WDR70: variants seen among roughly 807,000 people sequenced by gnomAD.
WDR70 encodes the protein WD repeat domain 70.
A neutral mutation model predicts 88.6 loss-of-function variants in WDR70; 53 were observed. That is an observed-to-expected ratio of 0.60 (90% CI 0.48 to 0.75). The LOEUF (loss-of-function observed/expected upper bound fraction) is 0.75. Among genes scored for constraint, WDR70 ranks in the 30% least tolerant of loss-of-function variants. The pLI is 0.00. For missense variants in WDR70, 610 were observed against 823.2 expected, an observed-to-expected ratio of 0.74 and a Z score of 3.17; for synonymous variants, 280 against 270.0, an observed-to-expected ratio of 1.04 and a Z score of -0.36.
intron 9 of WDR70, among the ~76,000 whole-genome samples, chr5:37,533,366 C>G (rs1031720918): frequency 1.3e-5 from 2 of 152,176 alleles, no homozygotes; most frequent in Non-Finnish European, 2.9e-5. Context: ...CCGAGATGGG[C>G]GTATCACTTG....
chr5:37,578,054 AGAT>A (rs1260875773), intron 9 of WDR70, among the ~76,000 whole-genome samples: 1 of 60,778 alleles, frequency 1.6e-5, no homozygotes, highest in Non-Finnish European at 3.2e-5. Context: ...TTCAAGGAAT[AGAT>A]GGTGAAGGAT....
At chr5:37,649,349 C>A (rs141994387) in intron 10 of WDR70, among the ~76,000 whole-genome samples, 129 of 151,458 alleles carry the variant, frequency 8.5e-4, no homozygotes, top group African/African-American at 3.0e-3. Context: ...TATCATTGTG[C>A]CTGTTTTTAT....
At position 37,457,254 on chromosome 5, in the gene WDR70, C is replaced by T. The variant is rs567969653; in HGVS notation, c.686+13882C>T. Among the ~76,000 whole-genome samples, 6 of 152,270 alleles carry T rather than the reference C, an allele frequency of 3.9e-5. No homozygotes were observed. The East Asian group carries it at 9.6e-4, about 24-fold the overall frequency. On this transcript the variant is annotated intron_variant, in intron 7 of 17. Coordinates refer to ENST00000265107, the MANE Select transcript of WDR70 (RefSeq NM_018034.4). The stretch of plus-strand genomic sequence containing the variant: ...GGGAATTCAGGCATGCACCACCATG[C>T]CTGGCTAATATTTGGATTTTTAGTA...
chr5:37,550,710 T>C (rs1742116418), intron 9 of WDR70, among the ~76,000 whole-genome samples: 1 of 152,212 alleles, frequency 6.6e-6, no homozygotes, highest in African/African-American at 2.4e-5. Flanking sequence ...TGTCTTTTGA[T>C]TGGAGAGTGT....
intron 3 of WDR70, 130 bp downstream of exon 3, chr5:37,381,815 A>T: frequency 1.2e-6 from 1 of 831,712 alleles, no homozygotes; most frequent in Admixed American, 2.6e-5. Context: ...GCACTTAGGG[A>T]GGCCAAGGCG....
chr5:37,672,224 C>A (rs1746046036), intron 10 of WDR70, among the ~76,000 whole-genome samples: 1 of 152,188 alleles, frequency 6.6e-6, no homozygotes, highest in Non-Finnish European at 1.5e-5. Flanking sequence ...AGCCTGGGTA[C>A]TGTCCAAGGT....
chr5:37,723,138 G>T, intron 15 of WDR70: 1 of 594,654 alleles, frequency 1.7e-6, no homozygotes, highest in African/African-American at 1.9e-5. Context: ...GTTATTTCAT[G>T]CAGCTTTCAA....
chr5:37,453,219 G>GAC (rs1370162839), intron 7 of WDR70, among the ~76,000 whole-genome samples: 2 of 152,154 alleles, frequency 1.3e-5, no homozygotes, highest in Non-Finnish European at 2.9e-5. Flanking sequence ...AGAAATTAAA[G>GAC]ACACACACAC....
At position 37,479,723 on chromosome 5, in the gene WDR70, T is replaced by C; in HGVS notation, c.687-111T>C. ...GGTTGATGTTCCTGATTTTGTGGAATTATCAATTTGTCCATTTGTGTAACA... is the reference window on the plus strand; with the variant it reads ...GGTTGATGTTCCTGATTTTGTGGAACTATCAATTTGTCCATTTGTGTAACA... On this transcript the variant is annotated intron_variant, in intron 7 of 17. Transcript: ENST00000265107. The C allele has an allele frequency of 3.2e-6, 4 of 1,269,120 alleles. No individual in the cohort carries two copies. The Admixed American group carries it at 9.0e-5, about 29-fold the overall frequency. 78.6% of individuals were successfully genotyped at this position (1,269,120 alleles called of 1,614,324 possible). A position where few individuals can be genotyped will look rare whatever the true frequency, so the allele number is the denominator to read the frequency against.
At chr5:37,750,815 C>T (rs1004034220) in intron 17 of WDR70, among the ~76,000 whole-genome samples, 7 of 152,136 alleles carry the variant, frequency 4.6e-5, no homozygotes, top group African/African-American at 1.7e-4. Context: ...TCCATTAGAC[C>T]TCTTTTATAA....
At chr5:37,414,408 C>T (rs1294480485) in intron 5 of WDR70, among the ~76,000 whole-genome samples, 2 of 152,166 alleles carry the variant, frequency 1.3e-5, no homozygotes, top group Non-Finnish European at 2.9e-5. Context: ...CAGAACTTCA[C>T]ATGGCTCCCT....
intron 7 of WDR70, among the ~76,000 whole-genome samples, chr5:37,454,568 T>C (rs1738776608): frequency 6.6e-6 from 1 of 152,126 alleles, no homozygotes; most frequent in Non-Finnish European, 1.5e-5. Context: ...GATTCTGAAA[T>C]TTAAAAATTT....
At chr5:37,697,860 T>C (rs1037204394) in intron 11 of WDR70, 106 bp downstream of exon 11, 2 of 834,256 alleles carry the variant, frequency 2.4e-6, no homozygotes, top group Admixed American at 2.5e-5. Flanking sequence ...CTTTGATTTT[T>C]GTTAATGCAC....
At chr5:37,440,808 A>G (rs934945387) in intron 6 of WDR70, among the ~76,000 whole-genome samples, 4 of 152,242 alleles carry the variant, frequency 2.6e-5, no homozygotes, top group African/African-American at 9.6e-5. Context: ...CTTTCTTCTT[A>G]GGAGAACAGT....
chr5:37,493,663 G>T lies in WDR70; in HGVS notation c.840+13676G>T, dbSNP rs75120483. Among the ~76,000 whole-genome samples, 945 of 152,198 alleles carry T rather than the reference G, an allele frequency of 6.2e-3. 9 individuals are homozygous for T. Among genetic ancestry groups the T allele is most frequent in the Non-Finnish European group, 8.4e-3 (568 of 68,010 alleles). On this transcript the variant is annotated intron_variant, in intron 8 of 17. Transcript: ENST00000265107. ...GCAGCTGTTAGGTAATAAATCGGGG[G>T]TGTACTAAGTCCCTAGGTTTTTGGT...
At chr5:37,562,950 A>G (rs1159672128) in intron 9 of WDR70, among the ~76,000 whole-genome samples, 6 of 150,108 alleles carry the variant, frequency 4.0e-5, no homozygotes, top group African/African-American at 1.2e-4. Flanking sequence ...CCCGTTCTCA[A>G]TGAGCTGTTG....
At chr5:37,572,244 T>A (rs1742926183) in intron 9 of WDR70, among the ~76,000 whole-genome samples, 1 of 152,102 alleles carries the variant, frequency 6.6e-6, no homozygotes, top group Non-Finnish European at 1.5e-5. Flanking sequence ...TGTGTAAGCC[T>A]GTGTCGTGCA....
At chr5:37,542,265 TTTCTTC>T (rs936266699) in intron 9 of WDR70, among the ~76,000 whole-genome samples, 1 of 150,498 alleles carries the variant, frequency 6.6e-6, no homozygotes, top group Non-Finnish European at 1.5e-5. Flanking sequence ...GCTTTAGTTT[TTTCTTC>T]TTCTTCTTCT....
chr5:37,402,600 T>C (rs1207836344), intron 5 of WDR70, among the ~76,000 whole-genome samples: 1 of 152,100 alleles, frequency 6.6e-6, no homozygotes, highest in Non-Finnish European at 1.5e-5. Flanking sequence ...AATTGGGATA[T>C]CCAGGATATC....
Sources: allele counts gnomAD v4.1 joint callset (sites outside exome capture counted in the v4.1 genomes callset), GRCh38; gene constraint gnomAD v4.1.1; transcripts MANE v1.5; gene names NCBI Gene and HGNC (gene_info 2026-07-23, HGNC 2026-07-21).